Variants in GALNT13 observed in about 807,000 individuals in gnomAD.
GALNT13 encodes polypeptide N-acetylgalactosaminyltransferase 13.
A neutral mutation model predicts 64.2 loss-of-function variants in GALNT13; 28 were observed. That is an observed-to-expected ratio of 0.44 (90% CI 0.32 to 0.60). GALNT13 has a LOEUF of 0.60. GALNT13 is among the 20% of genes least tolerant of loss of function. The probability of loss-of-function intolerance (pLI) is 0.05; values close to 1 mark genes in which losing one functional copy is unlikely to be tolerated. For synonymous variants in GALNT13, 214 were observed against 224.6 expected (o/e 0.95, Z 0.42); for missense variants, 577 against 669.8 (o/e 0.86, Z 1.53).
At chr2:154,032,996 A>T (rs182611601) in intron 3 of GALNT13, among the ~76,000 whole-genome samples, 146 of 151,266 alleles carry the variant, frequency 9.7e-4, no homozygotes, top group Non-Finnish European at 1.6e-3. Context: ...ATGTAAATAG[A>T]TATTGGGTGC....
chr2:154,370,147 G>T (rs536213685), intron 9 of GALNT13, among the ~76,000 whole-genome samples: 2 of 151,904 alleles, frequency 1.3e-5, no homozygotes, highest in East Asian at 3.9e-4. Context: ...TTTAGGTGGG[G>T]GATACAAGTC....
intron 4 of GALNT13, among the ~76,000 whole-genome samples, chr2:154,176,201 T>C (rs1685637325): frequency 6.6e-6 from 1 of 151,764 alleles, no homozygotes; most frequent in Non-Finnish European, 1.5e-5. Flanking sequence ...GTCAGCATGA[T>C]GCAGAGTATG....
At chr2:153,169,860 T>C in the GALNT13 span, among the ~76,000 whole-genome samples, 1 of 152,200 alleles carries the variant, frequency 6.6e-6, no homozygotes, top group Non-Finnish European at 1.5e-5. Flanking sequence ...TGTGTGGAAA[T>C]GAAAATTTGG....
rs1301614837 is a variant in GALNT13 at position 153,920,790 on chromosome 2, A to G, written c.-105+19783A>G. Among the ~76,000 whole-genome samples the G allele has an allele frequency of 2.6e-5, 4 of 152,086 alleles. No homozygotes were observed. In the East Asian group the frequency reaches 7.7e-4, roughly 29 times the overall value. On this transcript the variant is annotated intron_variant, in intron 2 of 12. Coordinates refer to ENST00000392825, the MANE Select transcript of GALNT13 (RefSeq NM_052917.4). ...GGAACTTAAGTGTATGAACAAAAAA[A>G]CAACCCATTAAAAAGTGGGCAAACG... is the stretch of plus-strand genomic sequence containing the variant.
At chr2:153,471,735 TCTTTC>T in the GALNT13 span, among the ~76,000 whole-genome samples, 1 of 152,208 alleles carries the variant, frequency 6.6e-6, no homozygotes, top group Non-Finnish European at 1.5e-5. Flanking sequence ...GGTTTCAGCT[TCTTTC>T]CTTTATGATT....
intron 3 of GALNT13, 139 bp downstream of exon 3, chr2:153,944,778 T>A: frequency 1.6e-6 from 1 of 636,844 alleles, no homozygotes; most frequent in Non-Finnish European, 2.6e-6. Flanking sequence ...AATGCATGTT[T>A]AACCATGGGG....
At chr2:153,493,893 G>T in the GALNT13 span, among the ~76,000 whole-genome samples, 2 of 151,812 alleles carry the variant, frequency 1.3e-5, no homozygotes, top group African/African-American at 4.8e-5. Flanking sequence ...AACTATAGAG[G>T]AATACCTGAG....
At chr2:153,308,777 G>C in the GALNT13 span, among the ~76,000 whole-genome samples, 8 of 152,016 alleles carry the variant, frequency 5.3e-5, no homozygotes, top group Non-Finnish European at 1.0e-4. Flanking sequence ...TGATATTTTT[G>C]CTCTTTATAT....
chr2:153,194,981 CTT>C, the GALNT13 span, among the ~76,000 whole-genome samples: 1 of 152,240 alleles, frequency 6.6e-6, no homozygotes, highest in South Asian at 2.1e-4. Flanking sequence ...GTCTGAGTGT[CTT>C]TATATTTGGA....
At chr2:153,878,635 C>A (rs577130909) in intron 1 of GALNT13, among the ~76,000 whole-genome samples, 21 of 152,078 alleles carry the variant, frequency 1.4e-4, no homozygotes, top group Non-Finnish European at 2.6e-4. Flanking sequence ...CACTCTGTGT[C>A]CTGGGATTGG....
chr2:153,301,227 T>G, the GALNT13 span, among the ~76,000 whole-genome samples: 1 of 143,972 alleles, frequency 6.9e-6, no homozygotes, highest in African/African-American at 2.6e-5. Flanking sequence ...CAAGAATCAC[T>G]TGAACCCGGT....
chr2:153,744,302 G>A, the GALNT13 span, among the ~76,000 whole-genome samples: 1 of 151,940 alleles, frequency 6.6e-6, no homozygotes, highest in Non-Finnish European at 1.5e-5. Context: ...CCAACAATGT[G>A]CAAGGGTTCC....
chr2:153,353,570 G>T, the GALNT13 span, among the ~76,000 whole-genome samples: 2 of 137,504 alleles, frequency 1.5e-5, no homozygotes, highest in East Asian at 1.9e-4. Flanking sequence ...CTTAAGCATG[G>T]TGTTAGCTGT....
rs531353638 is a variant in GALNT13 at position 154,373,655 on chromosome 2, C to T, written c.1157-22336C>T. On this transcript the variant is annotated intron_variant, in intron 9 of 12. Transcript: ENST00000392825. ...AAAATAAAAGAGCATCCCATGTTTC[C>T]ACTGCTTTTTATATTGTCTTTACTT... 5.9e-5 allele frequency among the ~76,000 whole-genome samples: 9 copies of T among 152,250 alleles called. No individual in the cohort carries two copies. In the South Asian group the frequency reaches 1.2e-3, roughly 21 times the overall value.
intron 3 of GALNT13, among the ~76,000 whole-genome samples, chr2:154,134,220 T>C (rs1476523008): frequency 1.3e-5 from 2 of 152,130 alleles, no homozygotes; most frequent in African/African-American, 2.4e-5. Flanking sequence ...AAAAATGGAA[T>C]TGCAACATTA....
At chr2:153,878,974 A>G (rs938448635) in intron 1 of GALNT13, among the ~76,000 whole-genome samples, 1 of 152,162 alleles carries the variant, frequency 6.6e-6, no homozygotes, top group African/African-American at 2.4e-5. Context: ...TTATTTATTC[A>G]TTGTAGTTAC....
chr2:154,431,618 G>A (rs116264611), intron 11 of GALNT13, among the ~76,000 whole-genome samples: 2,323 of 152,268 alleles, frequency 0.015, 49 homozygotes, highest in African/African-American at 0.048. Context: ...ATACATGTAC[G>A]TGAAAAAGAA....
the GALNT13 span, among the ~76,000 whole-genome samples, chr2:153,789,538 G>A: frequency 6.6e-6 from 1 of 152,014 alleles, no homozygotes; most frequent in African/African-American, 2.4e-5. Context: ...AAGAACTAGA[G>A]AAGCAAGATC....
chr2:153,107,605 A>G, the GALNT13 span, among the ~76,000 whole-genome samples: 1 of 152,138 alleles, frequency 6.6e-6, no homozygotes, highest in Non-Finnish European at 1.5e-5. Flanking sequence ...TTTCCTGGAG[A>G]GGAGTAGAGA....
Sources: gnomAD v4.1 joint callset for allele counts (sites outside exome capture counted in the v4.1 genomes callset) on GRCh38, gnomAD v4.1.1 for gene constraint, MANE v1.5 for transcripts, NCBI Gene and HGNC (gene_info 2026-07-23, HGNC 2026-07-21) for gene names.